Variants in NAALADL2 observed in about 807,000 individuals in gnomAD.
NAALADL2 encodes the protein N-acetylated alpha-linked acidic dipeptidase like 2, also known as inactive N-acetylated-alpha-linked acidic dipeptidase-like protein 2.
A neutral mutation model predicts 87.2 loss-of-function variants in NAALADL2; 76 were observed. The observed-to-expected ratio is 0.87, with a 90% CI of 0.72 to 1.05. The LOEUF (loss-of-function observed/expected upper bound fraction) is 1.05. Ranked by LOEUF, NAALADL2 falls within the 50% of genes least tolerant of loss-of-function variation. The probability of loss-of-function intolerance (pLI) is 0.00; values close to 1 mark genes in which losing one functional copy is unlikely to be tolerated. For synonymous variants in NAALADL2, 354 were observed against 331.0 expected, an observed-to-expected ratio of 1.07 and a Z score of -0.75; for missense variants, 1,089 against 945.8, an observed-to-expected ratio of 1.15 and a Z score of -1.99.
chr3:174,996,324 C>A (rs997209172), intron 1 of NAALADL2, among the ~76,000 whole-genome samples: 1 of 148,680 alleles, frequency 6.7e-6, no homozygotes, highest in Admixed American at 6.6e-5. Context: ...GGTGAAACCC[C>A]GTCTCTGCTA....
intron 3 of NAALADL2, among the ~76,000 whole-genome samples, chr3:174,742,063 GT>G (rs1733816272): frequency 6.6e-6 from 1 of 151,436 alleles, no homozygotes; most frequent in Admixed American, 6.6e-5. Context: ...TTAATTCAAG[GT>G]GGTACTGATG....
chr3:174,443,048 G>A (rs1204139930), intron 1 of NAALADL2, among the ~76,000 whole-genome samples: 1 of 152,114 alleles, frequency 6.6e-6, no homozygotes, highest in Non-Finnish European at 1.5e-5. Context: ...AATGTCATAG[G>A]GGCCAGATAG....
chr3:175,121,913 C>T (rs923840719), intron 2 of NAALADL2, among the ~76,000 whole-genome samples: 1 of 151,666 alleles, frequency 6.6e-6, no homozygotes, highest in Non-Finnish European at 1.5e-5. Context: ...CCACTTTTTA[C>T]TGGTTTCATT....
intron 2 of NAALADL2, among the ~76,000 whole-genome samples, chr3:175,158,222 T>C (rs1488567672): frequency 6.6e-6 from 1 of 152,096 alleles, no homozygotes; most frequent in Non-Finnish European, 1.5e-5. Flanking sequence ...ATCACAGTGC[T>C]TTAGGCACAT....
chr3:174,598,674 T>A (rs1256649979), intron 2 of NAALADL2, among the ~76,000 whole-genome samples: 1 of 152,164 alleles, frequency 6.6e-6, no homozygotes, highest in African/African-American at 2.4e-5. Flanking sequence ...TCTCCTGTAG[T>A]AACTTAGTAA....
Position 175,805,759 on chromosome 3 carries a change from A to T in NAALADL2, c.*2556A>T, listed in dbSNP as rs1754650960. The T allele has an allele frequency of 6.6e-6, 1 of 151,914 alleles. No homozygotes were observed. The highest frequency in any genetic ancestry group is 6.6e-5 in the Admixed American group (1 of 15,194). 9.4% of individuals were successfully genotyped at this position (151,914 alleles called of 1,614,324 possible). On this transcript the variant is annotated 3_prime_UTR_variant, in exon 14 of 14. Coordinates refer to ENST00000454872, the MANE Select transcript of NAALADL2 (RefSeq NM_207015.3). Reference sequence around the variant, plus strand: ...GTGCCTAGGAAATAATGAATCATAAATATTCTCTGAAGAAAATGTGGTAAA... The same window carrying T: ...GTGCCTAGGAAATAATGAATCATAATTATTCTCTGAAGAAAATGTGGTAAA...
At chr3:175,056,279 A>G (rs1162969943) in intron 1 of NAALADL2, among the ~76,000 whole-genome samples, 1 of 152,112 alleles carries the variant, frequency 6.6e-6, no homozygotes, top group Non-Finnish European at 1.5e-5. Flanking sequence ...TTACTTGGTT[A>G]TACTCTCCTT....
intron 10 of NAALADL2, among the ~76,000 whole-genome samples, chr3:175,591,784 G>GTGTGTGTATATATA (rs1443245536): frequency 7.3e-6 from 1 of 137,056 alleles, no homozygotes; most frequent in African/African-American, 2.8e-5. Flanking sequence ...GTGTGTGTGT[G>GTGTGTGTATATATA]TATATATATA....
intron 12 of NAALADL2, among the ~76,000 whole-genome samples, chr3:175,743,237 G>A (rs1057429790): frequency 2.6e-5 from 4 of 151,822 alleles, no homozygotes; most frequent in African/African-American, 9.7e-5. Flanking sequence ...CTGACCTTAG[G>A]TGATCTGCCC....
intron 3 of NAALADL2, among the ~76,000 whole-genome samples, chr3:174,834,102 C>G (rs1723051634): frequency 6.9e-6 from 1 of 145,352 alleles, no homozygotes; most frequent in Non-Finnish European, 1.5e-5. Flanking sequence ...AAGAAGCAAA[C>G]TGTGACATGT....
chr3:175,029,791 G>GA (rs1235818830), intron 1 of NAALADL2, among the ~76,000 whole-genome samples: 1 of 152,032 alleles, frequency 6.6e-6, no homozygotes, highest in Non-Finnish European at 1.5e-5. Context: ...TATCCTCCAG[G>GA]AAAATGTATG....
intron 1 of NAALADL2, among the ~76,000 whole-genome samples, chr3:175,036,553 C>T (rs1753432447): frequency 6.6e-6 from 1 of 151,962 alleles, no homozygotes; most frequent in African/African-American, 2.4e-5. Flanking sequence ...GCACCTGCCA[C>T]CACACCCAGC....
intron 2 of NAALADL2, among the ~76,000 whole-genome samples, chr3:175,097,906 G>T (rs369446877): frequency 6.6e-6 from 1 of 152,142 alleles, no homozygotes; most frequent in East Asian, 1.9e-4. Context: ...AATCATGTAC[G>T]TTGTTTGTAG....
At chr3:174,678,138 C>G (rs1311640191) in intron 2 of NAALADL2, among the ~76,000 whole-genome samples, 1 of 152,090 alleles carries the variant, frequency 6.6e-6, no homozygotes, top group Non-Finnish European at 1.5e-5. Flanking sequence ...TAATGAGGAT[C>G]AATTGTATGT....
At chr3:174,907,912 G>A (rs1215932121) in intron 1 of NAALADL2, among the ~76,000 whole-genome samples, 2 of 151,724 alleles carry the variant, frequency 1.3e-5, no homozygotes, top group Non-Finnish European at 2.9e-5. Context: ...TATTATGAAT[G>A]AAGATTTAAC....
At chr3:175,520,597 C>T (rs1048904587) in intron 9 of NAALADL2, among the ~76,000 whole-genome samples, 1 of 152,036 alleles carries the variant, frequency 6.6e-6, no homozygotes, top group Non-Finnish European at 1.5e-5. Flanking sequence ...CGCGCCCGGC[C>T]CAAGAATGCA....
At chr3:174,791,136 G>A (rs1327145756) in intron 3 of NAALADL2, among the ~76,000 whole-genome samples, 2 of 152,132 alleles carry the variant, frequency 1.3e-5, no homozygotes, top group Non-Finnish European at 2.9e-5. Context: ...GTAGACTTAT[G>A]TAGTATTTTG....
At chr3:175,105,025 C>T (rs935290168) in intron 2 of NAALADL2, among the ~76,000 whole-genome samples, 3 of 152,130 alleles carry the variant, frequency 2.0e-5, no homozygotes, top group African/African-American at 2.4e-5. Context: ...GCAGCACCCA[C>T]CAATGGGAAG....
chr3:175,722,576 A>T (rs1281318643), intron 11 of NAALADL2, among the ~76,000 whole-genome samples: 1 of 152,160 alleles, frequency 6.6e-6, no homozygotes, highest in Non-Finnish European at 1.5e-5. Flanking sequence ...AAATATGTAC[A>T]TTACTAAACA....
Sources: gnomAD v4.1 joint callset for allele counts (sites outside exome capture counted in the v4.1 genomes callset) on GRCh38, gnomAD v4.1.1 for gene constraint, MANE v1.5 for transcripts, NCBI Gene and HGNC (gene_info 2026-07-23, HGNC 2026-07-21) for gene names.